The following NSMAF variants were observed in gnomAD, a reference collection of about 807,000 sequenced individuals.
NSMAF encodes neutral sphingomyelinase activation associated factor.
In NSMAF, 90 loss-of-function variants were observed where a neutral mutation model predicts 134.9. The ratio of observed to expected loss-of-function variants is 0.67; its 90% CI spans 0.56 to 0.79. The LOEUF (loss-of-function observed/expected upper bound fraction) is 0.79. Among genes scored for constraint, NSMAF ranks in the 30% least tolerant of loss-of-function variants. NSMAF has a pLI of 0.00. For synonymous variants in NSMAF, 358 were observed against 389.6 expected (o/e 0.92, Z 0.96); for missense variants, 1,010 against 1,119.0 (o/e 0.90, Z 1.39).
At chr8:58,585,014 C>T (rs1243756222) in intron 30 of NSMAF, among the ~76,000 whole-genome samples, 1 of 152,158 alleles carries the variant, frequency 6.6e-6, no homozygotes, top group East Asian at 1.9e-4. Context: ...TTACTGCTTA[C>T]AGTGGGAACT....
chr8:58,659,462 C>T (rs1327520567), intron 1 of NSMAF, 111 bp downstream of exon 1: 3 of 1,493,992 alleles, frequency 2.0e-6, no homozygotes, highest in Admixed American at 2.1e-5. Context: ...CGGCCCCTGC[C>T]TCCGTGCCCG....
intron 1 of NSMAF, 24 bp downstream of exon 1, chr8:58,659,549 G>A: frequency 6.6e-7 from 1 of 1,524,672 alleles, no homozygotes. Flanking sequence ...CCCCGGCTGG[G>A]CCCTTCTTCA....
intron 6 of NSMAF, among the ~76,000 whole-genome samples, chr8:58,627,272 G>C (rs1051746481): frequency 2.0e-5 from 3 of 152,114 alleles, no homozygotes; most frequent in Non-Finnish European, 4.4e-5. Flanking sequence ...TCTTAGTCAT[G>C]AATTCTTTGC....
At chr8:58,613,240 A>T (rs372121102) in intron 9 of NSMAF, among the ~76,000 whole-genome samples, 1 of 152,190 alleles carries the variant, frequency 6.6e-6, no homozygotes. Flanking sequence ...TTAAAAAGCT[A>T]TTGATTTTTA....
In NSMAF at chr8:58,583,857, C is replaced by T. The variant is rs1050504; in HGVS notation, c.*249G>A. The T allele has an allele frequency of 0.29, 135,256 of 470,220 alleles. 20,912 individuals are homozygous for T. The highest frequency in any genetic ancestry group is 0.36 in the South Asian group (16,290 of 45,104). The allele number at this position is 470,220 out of a possible 1,614,324, so 29.1% of individuals were successfully genotyped here. On this transcript the variant is annotated 3_prime_UTR_variant, in exon 31 of 31. Coordinates refer to ENST00000038176, the MANE Select transcript of NSMAF (RefSeq NM_003580.4). ...GTCCTGTCTTCTGACAATCATCATA[C>T]GGGGACGATCATCTGCCTTACAGTG...
At chr8:58,645,040 C>T (rs1309235688) in intron 1 of NSMAF, among the ~76,000 whole-genome samples, 1 of 151,626 alleles carries the variant, frequency 6.6e-6, no homozygotes, top group African/African-American at 2.4e-5. Flanking sequence ...TGCAGCAAAC[C>T]ACCATGGCAC....
chr8:58,589,767 G>A (rs1419600602), intron 25 of NSMAF, 192 bp from the exon 26 acceptor site: 1 of 663,024 alleles, frequency 1.5e-6, no homozygotes, highest in Non-Finnish European at 2.4e-6. Context: ...TTCCATGTCT[G>A]GCTCATCTGT....
At chr8:58,637,953 C>A (rs1228058958) in intron 2 of NSMAF, among the ~76,000 whole-genome samples, 1 of 152,132 alleles carries the variant, frequency 6.6e-6, no homozygotes, top group Non-Finnish European at 1.5e-5. Context: ...TAAAAGCAAA[C>A]CCTATTAAAA....
chr8:58,612,144 G>C (rs1806542651), intron 9 of NSMAF, among the ~76,000 whole-genome samples: 1 of 152,198 alleles, frequency 6.6e-6, no homozygotes, highest in Non-Finnish European at 1.5e-5. Flanking sequence ...TGAGGCAACT[G>C]TGTATGGGAT....
intron 1 of NSMAF, among the ~76,000 whole-genome samples, chr8:58,645,866 C>T (rs912016180): frequency 6.6e-6 from 1 of 152,138 alleles, no homozygotes; most frequent in Admixed American, 6.6e-5. Context: ...CATGGTGAAA[C>T]CACCTCTCTA....
intron 6 of NSMAF, among the ~76,000 whole-genome samples, chr8:58,631,042 A>T (rs1243254527): frequency 6.6e-6 from 1 of 152,224 alleles, no homozygotes; most frequent in African/African-American, 2.4e-5. Flanking sequence ...GTCCCAGGGA[A>T]CCAGACATTG....
chr8:58,587,546 A>G (rs1417035434), intron 27 of NSMAF, 72 bp downstream of exon 27: 2 of 1,322,728 alleles, frequency 1.5e-6, no homozygotes, highest in Non-Finnish European at 2.2e-6. Context: ...GAACAAAACC[A>G]AAAACCTTCT....
chr8:58,653,727 A>T (rs368643902), intron 1 of NSMAF, among the ~76,000 whole-genome samples: 1 of 152,184 alleles, frequency 6.6e-6, no homozygotes, highest in Non-Finnish European at 1.5e-5. Context: ...TAAATATCTG[A>T]TGGTTAAAAG....
At chr8:58,643,741 G>A (rs1188320124) in intron 1 of NSMAF, among the ~76,000 whole-genome samples, 2 of 152,030 alleles carry the variant, frequency 1.3e-5, no homozygotes, top group Non-Finnish European at 2.9e-5. Context: ...ATGTTGGTAA[G>A]GCTGGTCTCG....
At chr8:58,635,609 T>C in intron 2 of NSMAF, 63 bp from the exon 3 acceptor site, 1 of 1,009,278 alleles carries the variant, frequency 9.9e-7, no homozygotes. Flanking sequence ...ATAATCATAG[T>C]ACATTTTAAC....
intron 1 of NSMAF, among the ~76,000 whole-genome samples, chr8:58,650,408 C>A (rs763953415): frequency 6.6e-6 from 1 of 152,070 alleles, no homozygotes; most frequent in Non-Finnish European, 1.5e-5. Flanking sequence ...CAGAGAAATA[C>A]TACCTGTACA....
At chr8:58,653,840 G>C (rs1185468634) in intron 1 of NSMAF, among the ~76,000 whole-genome samples, 1 of 152,020 alleles carries the variant, frequency 6.6e-6, no homozygotes, top group East Asian at 1.9e-4. Flanking sequence ...ATATTATATA[G>C]CTTACATACT....
intron 1 of NSMAF, among the ~76,000 whole-genome samples, chr8:58,656,058 G>A (rs555108638): frequency 1.3e-5 from 2 of 151,264 alleles, no homozygotes; most frequent in Non-Finnish European, 2.9e-5. Context: ...TCGCTCTGTC[G>A]CCCAGGCTGG....
Position 58,601,508 on chromosome 8 carries a change from T to C in NSMAF, c.1153A>G (p.Lys385Glu). ...GAGTAGTGACTCCCATACATGAACT[T>C]TGGTTCAGGCATTTCCTGGTAGCGT... is the stretch of plus-strand genomic sequence containing the variant. Reference protein sequence around the residue: ...LTRYQEMPEPKFMYGSHYSSP... With the variant: ...LTRYQEMPEPEFMYGSHYSSP... Residue 385 changes from lysine to glutamate, a missense_variant, in exon 15 of 31, where the codon AAG becomes GAG. Physicochemically the swap from Lys to Glu is moderately conservative, Grantham distance 56. Transcript: ENST00000038176. The C allele has an allele frequency of 1.2e-6, 2 of 1,611,222 alleles. No individual in the cohort carries two copies. Among genetic ancestry groups the C allele is most frequent in the Non-Finnish European group, 1.7e-6 (2 of 1,179,418 alleles).
Sources: allele counts gnomAD v4.1 joint callset (sites outside exome capture counted in the v4.1 genomes callset), GRCh38; gene constraint gnomAD v4.1.1; transcripts MANE v1.5; gene names NCBI Gene and HGNC (gene_info 2026-07-23, HGNC 2026-07-21).